Variants in DENND2B observed in about 807,000 individuals in gnomAD.
The protein encoded by DENND2B is DENN domain containing 2B.
DENND2B carries 32 observed loss-of-function variants against 116.0 expected under a neutral mutation model. The ratio of observed to expected loss-of-function variants is 0.28; its 90% CI spans 0.21 to 0.37. The LOEUF (loss-of-function observed/expected upper bound fraction) is 0.37, where lower values mean the gene tolerates loss of function less well. Ranked by LOEUF, DENND2B falls within the 10% of genes least tolerant of loss-of-function variation. The pLI is 1.00. For synonymous variants in DENND2B, 588 were observed against 583.9 expected (o/e 1.01, Z -0.10); for missense variants, 1,276 against 1,477.7 (o/e 0.86, Z 2.24).
intron 1 of DENND2B, among the ~76,000 whole-genome samples, chr11:8,907,157 C>A (rs2742521): frequency 0.29 from 43,734 of 152,098 alleles, 7,158 homozygotes; most frequent in South Asian, 0.45. Context: ...TAACTTTCAT[C>A]TGTTCTCATT....
intron 5 of DENND2B, among the ~76,000 whole-genome samples, chr11:8,716,792 C>T (rs1304201049): frequency 3.9e-5 from 6 of 152,118 alleles, no homozygotes; most frequent in African/African-American, 7.2e-5. Context: ...GGACTACAGG[C>T]GTGCGCCATC....
rs1486926913 is a variant in DENND2B at position 8,712,500 on chromosome 11, G to A, written c.2172+51C>T. On this transcript the variant is annotated intron_variant, in intron 9 of 19. Coordinates refer to ENST00000313726, the MANE Select transcript of DENND2B (RefSeq NM_213618.2). This position sits in a 1 kb window ranked among gnomAD's most constrained non-coding sequence, Gnocchi z 4.4. ...CTTCCCCAGATAGGCCTGGCGGATA[G>A]AGGATGGAAGAGGGGGAATATGGGC... The A allele has an allele frequency of 6.6e-7, 1 of 1,514,010 alleles. No individual in the cohort carries two copies. The highest frequency in any genetic ancestry group is 1.2e-5 in the South Asian group (1 of 80,002). 93.8% of individuals were successfully genotyped at this position (1,514,010 alleles called of 1,614,324 possible).
At chr11:8,871,000 C>T (rs1378609355) in exon 2 of DENND2B, 3 of 151,942 alleles carry the variant, frequency 2.0e-5, no homozygotes, top group African/African-American at 7.2e-5. Context: ...GATGGGGTCT[C>T]GCCGGGAGCC....
intron 1 of DENND2B, among the ~76,000 whole-genome samples, chr11:8,753,667 A>C (rs1208308499): frequency 1.3e-5 from 2 of 152,206 alleles, no homozygotes; most frequent in Non-Finnish European, 2.9e-5. Context: ...AAAAATACTA[A>C]AAAGTAACCA....
intron 3 of DENND2B, among the ~76,000 whole-genome samples, chr11:8,853,322 C>A (rs2063076949): frequency 6.6e-6 from 1 of 152,126 alleles, no homozygotes; most frequent in Non-Finnish European, 1.5e-5. Flanking sequence ...GAGATCGCAC[C>A]ATTGCACTAC....
At chr11:8,889,576 C>A (rs188718701) in intron 1 of DENND2B, among the ~76,000 whole-genome samples, 2 of 152,220 alleles carry the variant, frequency 1.3e-5, no homozygotes, top group Non-Finnish European at 2.9e-5. Flanking sequence ...TCTTAGCAAA[C>A]GGCACAACAG....
In DENND2B at chr11:8,780,884, G is replaced by A. The variant is rs146737124; in HGVS notation, c.-26+29633C>T. 9.5e-4 allele frequency among the ~76,000 whole-genome samples: 145 copies of A among 152,250 alleles called. 1 individual carries two copies. In the East Asian group the frequency reaches 0.027, roughly 28 times the overall value. ...CAGGATGAGAATTTCTACCTTTGAA[G>A]CTCAGGCTGAACAGAAAAATCAGTA... On this transcript the variant is annotated intron_variant, in intron 1 of 19. Transcript: ENST00000313726.
intron 16 of DENND2B, 190 bp from the exon 17 acceptor site, chr11:8,697,826 C>A: frequency 1.6e-6 from 1 of 606,448 alleles, no homozygotes; most frequent in Non-Finnish European, 3.0e-6. Flanking sequence ...CCCAAGATTA[C>A]AGAGATTAAA....
At chr11:8,799,623 A>G (rs1385894083) in intron 1 of DENND2B, among the ~76,000 whole-genome samples, 1 of 137,640 alleles carries the variant, frequency 7.3e-6, no homozygotes, top group African/African-American at 2.7e-5. Flanking sequence ...GCTGGAGTGC[A>G]GTGTGTATTC....
intron 4 of DENND2B, among the ~76,000 whole-genome samples, chr11:8,834,525 C>A (rs1275733322): frequency 6.6e-6 from 1 of 152,184 alleles, no homozygotes; most frequent in Admixed American, 6.5e-5. Context: ...CAAGTTTTTC[C>A]CAGTGTGACA....
intron 4 of DENND2B, among the ~76,000 whole-genome samples, chr11:8,720,326 C>T (rs2045940964): frequency 1.3e-5 from 2 of 151,980 alleles, no homozygotes; most frequent in Admixed American, 1.3e-4. Flanking sequence ...AATATTGATA[C>T]AAAATCCAAA....
intron 16 of DENND2B, 72 bp downstream of exon 16, chr11:8,698,861 G>A: frequency 6.4e-7 from 1 of 1,561,124 alleles, no homozygotes; most frequent in Non-Finnish European, 8.8e-7. Flanking sequence ...AACAGGTTGT[G>A]AAGGTTGAGT....
chr11:8,786,765 C>A lies in DENND2B; in HGVS notation c.-26+23752G>T, dbSNP rs538559482. Among the ~76,000 whole-genome samples, 3 of 152,262 alleles carry A rather than the reference C, an allele frequency of 2.0e-5. No individual in the cohort carries two copies. In the South Asian group the frequency reaches 6.2e-4, roughly 32 times the overall value. ...GTCGAGGCTTCAAGGCTGCAGTGAT[C>A]TTGACTGCGCCACTGCACTCCAGCC... is the stretch of plus-strand genomic sequence containing the variant. On this transcript the variant is annotated intron_variant, in intron 1 of 19. Transcript: ENST00000313726.
Position 8,712,090 on chromosome 11 carries a change from G to A in DENND2B, c.2172+461C>T. On this transcript the variant is annotated intron_variant, in intron 9 of 19. Transcript: ENST00000313726. The surrounding 1 kb of genome is among the most constrained non-coding windows in gnomAD (Gnocchi z 4.4). The stretch of plus-strand genomic sequence containing the variant: ...GGTTGAGTGTGAGAGGAAGAAGAGG[G>A]AGGCCAGGCTGGCTGGCGACAAGCA... The A allele has an allele frequency of 2.4e-6, 1 of 421,888 alleles. No homozygotes were observed. The highest frequency in any genetic ancestry group is 4.8e-6 in the Non-Finnish European group (1 of 206,286). 26.1% of individuals were successfully genotyped at this position (421,888 alleles called of 1,614,324 possible).
At chr11:8,696,763 C>T (rs2133668282) in intron 17 of DENND2B, 97 bp from the exon 18 acceptor site, 1 of 1,517,578 alleles carries the variant, frequency 6.6e-7, no homozygotes, top group East Asian at 2.3e-5. Flanking sequence ...AACAAGACTT[C>T]CAGCCAGTAC....
intron 1 of DENND2B, among the ~76,000 whole-genome samples, chr11:8,902,274 TGAG>T (rs1397696462): frequency 6.7e-6 from 1 of 149,584 alleles, no homozygotes; most frequent in Admixed American, 6.7e-5. Context: ...TGCAGTGAGC[TGAG>T]ATCACACCAC....
Position 8,741,587 on chromosome 11 carries a change from C to A in DENND2B, c.80+9034G>T, listed in dbSNP as rs573956905. On this transcript the variant is annotated intron_variant, in intron 2 of 19. Coordinates refer to ENST00000313726, the MANE Select transcript of DENND2B (RefSeq NM_213618.2). Reference sequence around the variant, plus strand: ...CGTGGTCCCCAAATTCTTTGACATGCCTCCAGTCAAAATAACCCCTCCTCT... The same window carrying A: ...CGTGGTCCCCAAATTCTTTGACATGACTCCAGTCAAAATAACCCCTCCTCT... Among the ~76,000 whole-genome samples the A allele has an allele frequency of 5.5e-4, 84 of 152,332 alleles. 1 individual carries two copies. Among genetic ancestry groups the A allele is most frequent in the African/African-American group, 2.0e-3 (83 of 41,578 alleles).
intron 2 of DENND2B, among the ~76,000 whole-genome samples, chr11:8,861,373 T>C (rs1009499425): frequency 1.3e-5 from 2 of 151,960 alleles, no homozygotes; most frequent in Admixed American, 1.3e-4. Context: ...GCAAATGATA[T>C]GAATAAACAT....
chr11:8,717,720 C>CCGAT, intron 5 of DENND2B, 21 bp downstream of exon 5: 2 of 1,530,806 alleles, frequency 1.3e-6, no homozygotes, highest in Non-Finnish European at 1.8e-6. Context: ...ACCCTACAGG[C>CCGAT]CGATGTCAGG....
Sources: gnomAD v4.1 joint callset for allele counts (sites outside exome capture counted in the v4.1 genomes callset) on GRCh38, gnomAD v4.1.1 for gene constraint, Gnocchi (gnomAD v3.1) non-coding constraint, MANE v1.5 for transcripts, NCBI Gene and HGNC (gene_info 2026-07-23, HGNC 2026-07-21) for gene names.